Variants in CCSER1 observed in about 807,000 individuals in gnomAD.
CCSER1 encodes the protein serine-rich coiled-coil domain-containing protein 1.
Under a neutral mutation model 82.0 loss-of-function variants are expected in CCSER1, and 41 were observed. That is an observed-to-expected ratio of 0.50 (90% CI 0.39 to 0.65). The LOEUF (loss-of-function observed/expected upper bound fraction) is 0.65. Ranked by LOEUF, CCSER1 falls within the 30% of genes least tolerant of loss-of-function variation. The pLI, the probability that CCSER1 is intolerant of heterozygous loss-of-function variation, is 0.00. For synonymous variants in CCSER1, 414 were observed against 383.9 expected, an observed-to-expected ratio of 1.08 and a Z score of -0.92; for missense variants, 1,119 against 1,064.2, an observed-to-expected ratio of 1.05 and a Z score of -0.72.
intron 1 of CCSER1, among the ~76,000 whole-genome samples, chr4:90,244,497 T>C (rs1422404218): frequency 6.6e-6 from 1 of 152,178 alleles, no homozygotes; most frequent in African/African-American, 2.4e-5. Flanking sequence ...AAAAAATACC[T>C]GAGACTGGGT....
chr4:91,081,321 C>T (rs935534810), intron 9 of CCSER1, among the ~76,000 whole-genome samples: 1 of 152,118 alleles, frequency 6.6e-6, no homozygotes, highest in Non-Finnish European at 1.5e-5. Context: ...ATGATTATCT[C>T]AATAGATGCA....
chr4:90,338,559 T>G (rs971135548), intron 3 of CCSER1, among the ~76,000 whole-genome samples: 2 of 152,230 alleles, frequency 1.3e-5, no homozygotes, highest in African/African-American at 4.8e-5. Flanking sequence ...GTGTCACTGA[T>G]TGTTTTACTC....
intron 1 of CCSER1, among the ~76,000 whole-genome samples, chr4:90,254,990 C>G (rs1470844992): frequency 6.6e-6 from 1 of 151,352 alleles, no homozygotes; most frequent in Non-Finnish European, 1.5e-5. Flanking sequence ...CACACACACA[C>G]ACACACACAC....
chr4:90,481,216 A>G (rs941478511), intron 5 of CCSER1, among the ~76,000 whole-genome samples: 1 of 152,124 alleles, frequency 6.6e-6, no homozygotes, highest in African/African-American at 2.4e-5. Context: ...TTGCACATTG[A>G]TTTTGTATCC....
intron 3 of CCSER1, among the ~76,000 whole-genome samples, chr4:90,341,804 G>A (rs1477492761): frequency 1.3e-5 from 2 of 152,090 alleles, no homozygotes; most frequent in Non-Finnish European, 2.9e-5. Flanking sequence ...ACCTGAATCT[G>A]CCTTAATCAT....
chr4:91,386,329 A>T (rs1485361528), intron 10 of CCSER1, among the ~76,000 whole-genome samples: 1 of 152,092 alleles, frequency 6.6e-6, no homozygotes, highest in Non-Finnish European at 1.5e-5. Context: ...CCAAATAATT[A>T]AGGATAGCAA....
intron 10 of CCSER1, among the ~76,000 whole-genome samples, chr4:91,295,015 G>A (rs1265049594): frequency 6.6e-6 from 1 of 151,912 alleles, no homozygotes; most frequent in Non-Finnish European, 1.5e-5. Context: ...TATCATATTA[G>A]GTAGAAGACG....
intron 9 of CCSER1, among the ~76,000 whole-genome samples, chr4:90,999,772 TG>T (rs1317690647): frequency 6.6e-6 from 1 of 151,960 alleles, no homozygotes; most frequent in Admixed American, 6.6e-5. Context: ...TCATTGCAAT[TG>T]TTTTTTTCTT....
chr4:91,055,760 C>G (rs1743388784), intron 9 of CCSER1, among the ~76,000 whole-genome samples: 1 of 149,200 alleles, frequency 6.7e-6, no homozygotes. Flanking sequence ...CCCCCTCTCC[C>G]CTTCTCCCTC....
At chr4:90,870,905 A>G (rs1215503466) in intron 8 of CCSER1, among the ~76,000 whole-genome samples, 1 of 109,486 alleles carries the variant, frequency 9.1e-6, no homozygotes, top group African/African-American at 3.5e-5. Flanking sequence ...GGTTTTCTTT[A>G]TGGCTAAATT....
At chr4:90,614,340 C>T (rs1720811153) in intron 5 of CCSER1, among the ~76,000 whole-genome samples, 2 of 152,040 alleles carry the variant, frequency 1.3e-5, no homozygotes, top group Admixed American at 6.6e-5. Flanking sequence ...TTCTACAATG[C>T]CCTGTAGATG....
At chr4:90,484,461 T>G (rs1766642546) in intron 5 of CCSER1, among the ~76,000 whole-genome samples, 1 of 152,080 alleles carries the variant, frequency 6.6e-6, no homozygotes, top group South Asian at 2.1e-4. Context: ...ATTTTTAGAG[T>G]TTCTGGTTTT....
intron 10 of CCSER1, among the ~76,000 whole-genome samples, chr4:91,179,683 T>A (rs547554018): frequency 2.0e-5 from 3 of 152,364 alleles, no homozygotes; most frequent in East Asian, 3.9e-4. Flanking sequence ...GTATGCTTTT[T>A]ATTCTAGTTA....
intron 10 of CCSER1, among the ~76,000 whole-genome samples, chr4:91,248,773 A>T (rs1226510500): frequency 6.9e-6 from 1 of 144,526 alleles, no homozygotes; most frequent in Non-Finnish European, 1.5e-5. Flanking sequence ...TTTAGTTAAT[A>T]ATGTATCAAT....
intron 8 of CCSER1, among the ~76,000 whole-genome samples, chr4:90,918,774 CACAA>C (rs1727921529): frequency 7.4e-6 from 1 of 134,776 alleles, no homozygotes; most frequent in Non-Finnish European, 1.6e-5. Context: ...CACACACACA[CACAA>C]ACACACACAC....
At chr4:90,833,238 G>A (rs1249128015) in intron 8 of CCSER1, among the ~76,000 whole-genome samples, 2 of 152,164 alleles carry the variant, frequency 1.3e-5, no homozygotes, top group Admixed American at 1.3e-4. Flanking sequence ...AAGAAAGGAC[G>A]AAGAGGGGCC....
chr4:91,590,636 G>A (rs1764220132), intron 10 of CCSER1, among the ~76,000 whole-genome samples: 1 of 152,078 alleles, frequency 6.6e-6, no homozygotes, highest in Non-Finnish European at 1.5e-5. Context: ...CATTTTAGGA[G>A]TGCCTGTTTA....
intron 5 of CCSER1, among the ~76,000 whole-genome samples, chr4:90,530,435 A>G (rs1399243404): frequency 6.6e-6 from 1 of 152,094 alleles, no homozygotes; most frequent in Admixed American, 6.6e-5. Flanking sequence ...AAGTACAGAG[A>G]TTGTTGCAAG....
intron 9 of CCSER1, among the ~76,000 whole-genome samples, chr4:91,041,206 A>G (rs1389440181): frequency 6.6e-6 from 1 of 152,170 alleles, no homozygotes; most frequent in Non-Finnish European, 1.5e-5. Flanking sequence ...ACCATCAGTC[A>G]TGACATAAGT....
Sources: allele counts gnomAD v4.1 joint callset (sites outside exome capture counted in the v4.1 genomes callset), GRCh38; gene constraint gnomAD v4.1.1; transcripts MANE v1.5; gene names NCBI Gene and HGNC (gene_info 2026-07-23, HGNC 2026-07-21).